The following PDE1A variants were observed in gnomAD, a reference collection of about 807,000 sequenced individuals.
PDE1A encodes the protein dual specificity calcium/calmodulin-dependent 3',5'-cyclic nucleotide phosphodiesterase 1A.
PDE1A carries 35 observed loss-of-function variants against 61.7 expected under a neutral mutation model. The observed-to-expected ratio is 0.57, with a 90% CI of 0.43 to 0.75. The LOEUF (loss-of-function observed/expected upper bound fraction) is 0.75. Among genes scored for constraint, PDE1A ranks in the 30% least tolerant of loss-of-function variants. PDE1A has a pLI of 0.00. For synonymous variants in PDE1A, 232 were observed against 213.2 expected, an observed-to-expected ratio of 1.09 and a Z score of -0.77; for missense variants, 597 against 630.6, an observed-to-expected ratio of 0.95 and a Z score of 0.57.
intron 2 of PDE1A, among the ~76,000 whole-genome samples, chr2:182,522,027 T>C (rs1200571753): frequency 1.3e-5 from 2 of 152,148 alleles, no homozygotes; most frequent in African/African-American, 4.8e-5. Context: ...ACATACAGAA[T>C]GCGTAAAAGA....
the PDE1A span, among the ~76,000 whole-genome samples, chr2:182,608,642 A>T: frequency 6.6e-6 from 1 of 152,208 alleles, no homozygotes; most frequent in East Asian, 1.9e-4. Context: ...GCCTCCCCAC[A>T]GGGCAGGGCT....
intron 2 of PDE1A, among the ~76,000 whole-genome samples, chr2:182,240,565 G>A (rs1340041802): frequency 3.3e-5 from 5 of 152,160 alleles, no homozygotes; most frequent in Admixed American, 1.3e-4. Context: ...TAGAGGTACC[G>A]ACTGTTAATA....
the PDE1A span, among the ~76,000 whole-genome samples, chr2:182,668,874 G>T: frequency 6.6e-6 from 1 of 152,116 alleles, no homozygotes; most frequent in Non-Finnish European, 1.5e-5. Context: ...CGTGCGAGCC[G>T]GTGGCAGCAG....
chr2:182,707,339 C>A, the PDE1A span, among the ~76,000 whole-genome samples: 6 of 151,952 alleles, frequency 3.9e-5, no homozygotes, highest in Non-Finnish European at 8.8e-5. Flanking sequence ...AAATAAAAAT[C>A]AATTAAATCA....
the PDE1A span, among the ~76,000 whole-genome samples, chr2:182,559,252 G>A: frequency 6.6e-6 from 1 of 152,032 alleles, no homozygotes; most frequent in African/African-American, 2.4e-5. Context: ...TGCAGATCTG[G>A]AATCCAGAGA....
At chr2:182,237,757 T>C (rs1690148912) in intron 3 of PDE1A, among the ~76,000 whole-genome samples, 1 of 152,194 alleles carries the variant, frequency 6.6e-6, no homozygotes, top group African/African-American at 2.4e-5. Context: ...CAGCCCGCCA[T>C]GTTGAAGGGT....
At chr2:182,177,217 G>A (rs1457229002) in intron 13 of PDE1A, among the ~76,000 whole-genome samples, 2 of 152,100 alleles carry the variant, frequency 1.3e-5, no homozygotes, top group African/African-American at 4.8e-5. Context: ...AGTTATGGAG[G>A]ATTCCCTCTT....
rs569305677 is a variant in PDE1A at position 182,517,327 on chromosome 2, C to G, written c.101+4949G>C. ...TGATAAAGATGATAAAGCAAACACC[C>G]TTCCATCTTCTCCATGTTTATTCCA... On this transcript the variant is annotated intron_variant, in intron 2 of 14. Transcript: ENST00000410103. Among the ~76,000 whole-genome samples, 10 of 152,304 alleles carry G rather than the reference C, an allele frequency of 6.6e-5. No homozygotes were observed. In the South Asian group the frequency reaches 1.9e-3, roughly 28 times the overall value.
chr2:182,215,353 G>C (rs1164144290), intron 7 of PDE1A, among the ~76,000 whole-genome samples: 1 of 114,428 alleles, frequency 8.7e-6, no homozygotes, highest in African/African-American at 3.4e-5. Flanking sequence ...ACAATTAAAA[G>C]AACTAGAAAA....
At chr2:182,213,072 G>A (rs1048871416) in intron 7 of PDE1A, among the ~76,000 whole-genome samples, 2 of 150,486 alleles carry the variant, frequency 1.3e-5, no homozygotes, top group Non-Finnish European at 3.0e-5. Context: ...GGAGATCTGA[G>A]AACGGGCAGA....
chr2:182,443,481 C>T (rs1017745510), intron 2 of PDE1A, among the ~76,000 whole-genome samples: 3 of 151,802 alleles, frequency 2.0e-5, no homozygotes, highest in Non-Finnish European at 4.4e-5. Context: ...CTCCCCCTTG[C>T]TGGTCTCGAG....
At chr2:182,623,908 G>C in the PDE1A span, among the ~76,000 whole-genome samples, 2 of 152,112 alleles carry the variant, frequency 1.3e-5, no homozygotes, top group East Asian at 3.9e-4. Context: ...GGCGGATCAC[G>C]AGGTCAGGAG....
At chr2:182,415,100 T>G (rs1702835995) in intron 1 of PDE1A, among the ~76,000 whole-genome samples, 1 of 152,064 alleles carries the variant, frequency 6.6e-6, no homozygotes, top group South Asian at 2.1e-4. Flanking sequence ...TTAAAAAAAA[T>G]TCTGTCTTTA....
chr2:182,533,349 T>C, the PDE1A span, among the ~76,000 whole-genome samples: 1 of 152,158 alleles, frequency 6.6e-6, no homozygotes, highest in Non-Finnish European at 1.5e-5. Context: ...TTTTTTCCAA[T>C]GGATTTCAAA....
At chr2:182,405,329 G>C (rs547281028) in intron 1 of PDE1A, among the ~76,000 whole-genome samples, 1 of 152,300 alleles carries the variant, frequency 6.6e-6, no homozygotes, top group East Asian at 1.9e-4. Flanking sequence ...AGAACAAGAA[G>C]ACACAGCTGC....
upstream of PDE1A, among the ~76,000 whole-genome samples, chr2:182,527,010 G>C (rs537054707): frequency 6.7e-6 from 1 of 150,340 alleles, no homozygotes; most frequent in East Asian, 2.0e-4. Context: ...TAAATAAATA[G>C]AAAAAATTAT....
chr2:182,192,832 G>A (rs568714312), intron 10 of PDE1A, among the ~76,000 whole-genome samples: 7 of 152,174 alleles, frequency 4.6e-5, no homozygotes, highest in African/African-American at 1.7e-4. Context: ...AAGAGAACTA[G>A]TAATTGTTTT....
chr2:182,395,429 A>G (rs1316255916), intron 1 of PDE1A, among the ~76,000 whole-genome samples: 1 of 152,214 alleles, frequency 6.6e-6, no homozygotes, highest in South Asian at 2.1e-4. Context: ...CAGGAAATAA[A>G]TCTAACTAAA....
intron 2 of PDE1A, among the ~76,000 whole-genome samples, chr2:182,450,567 A>C (rs1685443097): frequency 6.6e-6 from 1 of 151,294 alleles, no homozygotes; most frequent in African/African-American, 2.4e-5. Context: ...AAAAAAAAAA[A>C]CCAACATTAC....
Sources: gnomAD v4.1 joint callset for allele counts (sites outside exome capture counted in the v4.1 genomes callset) on GRCh38, gnomAD v4.1.1 for gene constraint, MANE v1.5 for transcripts, NCBI Gene and HGNC (gene_info 2026-07-23, HGNC 2026-07-21) for gene names.